FRMD4A: variants seen among roughly 807,000 people sequenced by gnomAD.
FRMD4A encodes the protein FERM domain containing 4A.
Under a neutral mutation model 129.1 loss-of-function variants are expected in FRMD4A, and 29 were observed. The observed-to-expected ratio is 0.22, with a 90% CI of 0.17 to 0.31. FRMD4A has a LOEUF of 0.31. Among genes scored for constraint, FRMD4A ranks in the 10% least tolerant of loss-of-function variants. FRMD4A has a pLI of 1.00. For synonymous variants in FRMD4A, 634 were observed against 571.6 expected (o/e 1.11, Z -1.56); for missense variants, 1,272 against 1,375.8 (o/e 0.92, Z 1.19).
intron 2 of FRMD4A, among the ~76,000 whole-genome samples, chr10:14,143,025 T>C (rs1214496157): frequency 1.3e-5 from 2 of 152,234 alleles, no homozygotes; most frequent in African/African-American, 4.8e-5. Flanking sequence ...GTTGGAATCC[T>C]TGTACACTGT....
intron 3 of FRMD4A, among the ~76,000 whole-genome samples, chr10:13,857,532 C>T (rs1034985400): frequency 6.6e-6 from 1 of 152,076 alleles, no homozygotes; most frequent in African/African-American, 2.4e-5. Context: ...TTTATAAAGC[C>T]TTTATCATTT....
At chr10:13,701,264 C>G (rs12261601) in intron 14 of FRMD4A, 76 bp downstream of exon 14, 31 of 1,401,890 alleles carry the variant, frequency 2.2e-5, no homozygotes, top group African/African-American at 7.0e-5. Context: ...GCGCCTCCCC[C>G]ACCCATCCGA....
chr10:13,704,864 A>C (rs2087252111), intron 13 of FRMD4A, among the ~76,000 whole-genome samples: 1 of 151,836 alleles, frequency 6.6e-6, no homozygotes, highest in East Asian at 1.9e-4. Context: ...TGAGCTTGGG[A>C]ATTTGAGACC....
chr10:13,946,955 G>A lies in FRMD4A; in HGVS notation c.46-88043C>T, dbSNP rs576359299. Among the ~76,000 whole-genome samples, 3 of 152,270 alleles carry A rather than the reference G, an allele frequency of 2.0e-5. No individual in the cohort carries two copies. The East Asian group carries it at 5.8e-4, about 29-fold the overall frequency. On this transcript the variant is annotated intron_variant, in intron 2 of 24. Transcript: ENST00000357447. ...GGACAAATGATTATAGACAAGAGGA[G>A]CGCTCATATGGGGAAGCTTGGGAGG...
At chr10:14,255,861 C>T (rs1054267038) in intron 2 of FRMD4A, among the ~76,000 whole-genome samples, 2 of 151,920 alleles carry the variant, frequency 1.3e-5, no homozygotes, top group Non-Finnish European at 2.9e-5. Flanking sequence ...CAAAAATTAG[C>T]CGGGTGTGGT....
At chr10:13,696,321 T>C (rs1156434336) in intron 14 of FRMD4A, among the ~76,000 whole-genome samples, 1 of 152,152 alleles carries the variant, frequency 6.6e-6, no homozygotes, top group Non-Finnish European at 1.5e-5. Flanking sequence ...TCTTTCTACA[T>C]CGCTCTGTTA....
chr10:13,941,273 C>CT (rs1288584696), intron 2 of FRMD4A, among the ~76,000 whole-genome samples: 5 of 152,088 alleles, frequency 3.3e-5, no homozygotes, highest in Non-Finnish European at 7.4e-5. Flanking sequence ...GGGGAAACCC[C>CT]TTTTGCTTGG....
At chr10:13,754,311 C>T (rs374275032) in intron 8 of FRMD4A, among the ~76,000 whole-genome samples, 6 of 152,276 alleles carry the variant, frequency 3.9e-5, no homozygotes, top group African/African-American at 1.2e-4. Context: ...TACCCTATCC[C>T]TATCCAAATA....
At chr10:14,054,036 G>A (rs1322421259) in intron 2 of FRMD4A, among the ~76,000 whole-genome samples, 1 of 151,898 alleles carries the variant, frequency 6.6e-6, no homozygotes, top group Non-Finnish European at 1.5e-5. Context: ...AATTAGCTAG[G>A]TACCTGCAGT....
intron 2 of FRMD4A, among the ~76,000 whole-genome samples, chr10:13,974,779 G>A (rs546192035): frequency 9.9e-5 from 15 of 152,004 alleles, no homozygotes; most frequent in Admixed American, 2.0e-4. Flanking sequence ...CACCCGCCTC[G>A]CTCTCCCAAA....
At chr10:14,279,713 C>T (rs955020040) in intron 2 of FRMD4A, among the ~76,000 whole-genome samples, 7 of 152,310 alleles carry the variant, frequency 4.6e-5, no homozygotes, top group Admixed American at 6.5e-5. Flanking sequence ...ACAATAACAA[C>T]GTGTCCTAAC....
chr10:14,330,907 T>A lies in FRMD4A; in HGVS notation c.-392A>T, dbSNP rs184200969. ...TTCTGATCTCCCTGGCTGTACCACA[T>A]GTACGCCGCATACAGACACACTCTA... On this transcript the variant is annotated 5_prime_UTR_variant, in exon 1 of 25. It removes an upstream start codon present in the reference 5' UTR. Coordinates refer to ENST00000357447, the MANE Select transcript of FRMD4A (RefSeq NM_018027.5). 2 of 398,694 alleles carry A rather than the reference T, an allele frequency of 5.0e-6. No homozygotes were observed. The highest frequency in any genetic ancestry group is 7.1e-5 in the East Asian group (2 of 28,064). 24.7% of individuals were successfully genotyped at this position (398,694 alleles called of 1,614,324 possible). A position where few individuals can be genotyped will look rare whatever the true frequency, so the allele number is the denominator to read the frequency against.
intron 2 of FRMD4A, among the ~76,000 whole-genome samples, chr10:13,979,189 G>A (rs2131399991): frequency 6.6e-6 from 1 of 152,210 alleles, no homozygotes; most frequent in South Asian, 2.1e-4. Context: ...TGTAATCAAA[G>A]CCTTATGTGA....
intron 2 of FRMD4A, among the ~76,000 whole-genome samples, chr10:13,981,895 G>C (rs2131405337): frequency 6.6e-6 from 1 of 152,292 alleles, no homozygotes; most frequent in African/African-American, 2.4e-5. Flanking sequence ...AGGTAGGTGT[G>C]CAGGTGAGGA....
intron 2 of FRMD4A, among the ~76,000 whole-genome samples, chr10:14,289,401 C>A (rs930491433): frequency 6.6e-6 from 1 of 152,040 alleles, no homozygotes; most frequent in African/African-American, 2.4e-5. Context: ...TTTTCATATG[C>A]CTGTTGGCTA....
intron 12 of FRMD4A, among the ~76,000 whole-genome samples, chr10:13,728,789 C>T (rs1204164021): frequency 6.6e-6 from 1 of 151,740 alleles, no homozygotes; most frequent in Non-Finnish European, 1.5e-5. Context: ...CCAGGCTGGC[C>T]TCGAACTCCT....
At chr10:14,251,719 C>A (rs1844447676) in intron 2 of FRMD4A, among the ~76,000 whole-genome samples, 1 of 152,124 alleles carries the variant, frequency 6.6e-6, no homozygotes, top group African/African-American at 2.4e-5. Flanking sequence ...TTACGTGGGC[C>A]CTGGAGCCAG....
At chr10:14,224,758 A>G (rs938470862) in intron 2 of FRMD4A, among the ~76,000 whole-genome samples, 13 of 152,194 alleles carry the variant, frequency 8.5e-5, no homozygotes, top group African/African-American at 2.9e-4. Context: ...ATGACAGACT[A>G]TGTTAAGAGG....
chr10:13,879,863 C>A (rs1004229692), intron 2 of FRMD4A, among the ~76,000 whole-genome samples: 1 of 150,644 alleles, frequency 6.6e-6, no homozygotes, highest in Admixed American at 6.6e-5. Context: ...CCAGGCTGCT[C>A]TCAAACTCCT....
Sources: allele counts gnomAD v4.1 joint callset (sites outside exome capture counted in the v4.1 genomes callset), GRCh38; gene constraint gnomAD v4.1.1; transcripts MANE v1.5; gene names NCBI Gene and HGNC (gene_info 2026-07-23, HGNC 2026-07-21).